DPP10: variants seen among roughly 807,000 people sequenced by gnomAD.
DPP10 encodes inactive dipeptidyl peptidase 10.
In DPP10, 33 loss-of-function variants were observed where a neutral mutation model predicts 120.9. The ratio of observed to expected loss-of-function variants is 0.27; its 90% CI spans 0.21 to 0.37. The LOEUF (loss-of-function observed/expected upper bound fraction) is 0.37, where lower values mean the gene tolerates loss of function less well. Ranked by LOEUF, DPP10 falls within the 10% of genes least tolerant of loss-of-function variation. The pLI, the probability that DPP10 is intolerant of heterozygous loss-of-function variation, is 1.00. For synonymous variants in DPP10, 337 were observed against 326.1 expected (o/e 1.03, Z -0.36); for missense variants, 816 against 942.8 (o/e 0.87, Z 1.76).
At chr2:114,477,859 A>ATGTATGTATGTACACATATG (rs1558794646) in intron 1 of DPP10, among the ~76,000 whole-genome samples, 1 of 74,586 alleles carries the variant, frequency 1.3e-5, no homozygotes, top group African/African-American at 3.2e-5. Flanking sequence ...GTATAAATAT[A>ATGTATGTATGTACACATATG]TGTATATATG....
intron 1 of DPP10, among the ~76,000 whole-genome samples, chr2:114,486,743 T>G (rs1681554049): frequency 6.6e-6 from 1 of 152,126 alleles, no homozygotes; most frequent in Non-Finnish European, 1.5e-5. Flanking sequence ...AATGCATGCA[T>G]ATGGATTTAT....
intron 1 of DPP10, among the ~76,000 whole-genome samples, chr2:115,168,291 A>G (rs367785967): frequency 1.3e-5 from 2 of 152,242 alleles, no homozygotes; most frequent in East Asian, 1.9e-4. Flanking sequence ...TTCATGTATG[A>G]CTAACATTAG....
At chr2:115,433,133 T>C (rs1158831539) in intron 3 of DPP10, among the ~76,000 whole-genome samples, 2 of 152,160 alleles carry the variant, frequency 1.3e-5, no homozygotes, top group Admixed American at 1.3e-4. Context: ...AGCTAGAGAA[T>C]TCAGTCTGTG....
chr2:114,570,253 A>G (rs928816370), intron 1 of DPP10, among the ~76,000 whole-genome samples: 3 of 152,204 alleles, frequency 2.0e-5, no homozygotes, highest in Non-Finnish European at 2.9e-5. Context: ...TCATTTTGTT[A>G]TCATATTCTG....
intron 3 of DPP10, among the ~76,000 whole-genome samples, chr2:115,371,933 G>A (rs1381173528): frequency 6.6e-6 from 1 of 152,006 alleles, no homozygotes; most frequent in Non-Finnish European, 1.5e-5. Flanking sequence ...TTTTTCAGGA[G>A]GTTCCAGAAT....
intron 4 of DPP10, among the ~76,000 whole-genome samples, chr2:115,514,052 C>T (rs1211214435): frequency 6.6e-6 from 1 of 151,872 alleles, no homozygotes; most frequent in Non-Finnish European, 1.5e-5. Flanking sequence ...TGTTGACAAG[C>T]TTTTTCTTTT....
chr2:115,802,042 G>C (rs561449228), intron 19 of DPP10, among the ~76,000 whole-genome samples: 1 of 152,080 alleles, frequency 6.6e-6, no homozygotes, highest in Non-Finnish European at 1.5e-5. Context: ...GGTAGAATTC[G>C]GCTGTGAATC....
intron 1 of DPP10, among the ~76,000 whole-genome samples, chr2:115,193,702 A>G (rs1204585779): frequency 6.6e-6 from 1 of 152,210 alleles, no homozygotes; most frequent in Non-Finnish European, 1.5e-5. Context: ...AGTACTTTAA[A>G]TCTTGGCTGA....
chr2:115,633,724 T>G (rs1339402336), intron 5 of DPP10, among the ~76,000 whole-genome samples: 1 of 152,160 alleles, frequency 6.6e-6, no homozygotes, highest in Admixed American at 6.5e-5. Flanking sequence ...ATTTTTTCCT[T>G]CATTTCAACC....
chr2:115,654,844 A>G (rs1378813433), intron 5 of DPP10, among the ~76,000 whole-genome samples: 1 of 151,734 alleles, frequency 6.6e-6, no homozygotes, highest in Non-Finnish European at 1.5e-5. Context: ...CATGTAACAG[A>G]TGAAGTAGCT....
intron 1 of DPP10, among the ~76,000 whole-genome samples, chr2:115,200,996 A>G (rs1393115556): frequency 6.6e-6 from 1 of 152,196 alleles, no homozygotes; most frequent in Admixed American, 6.5e-5. Context: ...AGAGACTTCC[A>G]TGTTCCTCAA....
chr2:115,112,806 T>C (rs751789024), intron 1 of DPP10, among the ~76,000 whole-genome samples: 21 of 152,190 alleles, frequency 1.4e-4, no homozygotes, highest in Non-Finnish European at 2.5e-4. Flanking sequence ...TAGTTAATAA[T>C]TCTCTTTTAT....
At position 115,137,106 on chromosome 2, in the gene DPP10, G is replaced by A. The variant is rs372840777; in HGVS notation, c.61-172133G>A. 5.9e-5 allele frequency among the ~76,000 whole-genome samples: 9 copies of A among 152,228 alleles called. No homozygotes were observed. In the East Asian group the frequency reaches 1.7e-3, roughly 29 times the overall value. On this transcript the variant is annotated intron_variant, in intron 1 of 25. Coordinates refer to ENST00000410059, the MANE Select transcript of DPP10 (RefSeq NM_020868.6). ...GGGTGTGTGTGGGAGGGAGAGAGGAGTTGGTGGGAAGAGGAGGTCATCTGT... is the reference window on the plus strand; with the variant it reads ...GGGTGTGTGTGGGAGGGAGAGAGGAATTGGTGGGAAGAGGAGGTCATCTGT...
chr2:114,837,411 G>A (rs976914392), intron 1 of DPP10, among the ~76,000 whole-genome samples: 1 of 152,140 alleles, frequency 6.6e-6, no homozygotes, highest in Admixed American at 6.6e-5. Flanking sequence ...TCCTTCTTGA[G>A]GGCAGGCTCT....
intron 1 of DPP10, among the ~76,000 whole-genome samples, chr2:114,760,319 G>A (rs1050751500): frequency 6.6e-6 from 1 of 152,096 alleles, no homozygotes; most frequent in African/African-American, 2.4e-5. Context: ...CCTTTGGCGT[G>A]CATCCCCCAG....
At chr2:115,212,518 C>T (rs1336108488) in intron 1 of DPP10, among the ~76,000 whole-genome samples, 1 of 152,054 alleles carries the variant, frequency 6.6e-6, no homozygotes, top group Non-Finnish European at 1.5e-5. Context: ...CAGAGAGTTA[C>T]TCTTTTAGCG....
chr2:115,289,503 AAGGAAGAAAAGAAAAG>A (rs2060562429), intron 1 of DPP10, among the ~76,000 whole-genome samples: 1 of 96,268 alleles, frequency 1.0e-5, no homozygotes, highest in African/African-American at 4.2e-5. Context: ...AAAAAAAAAA[AAGGAAGAAAAGAAAAG>A]AAAAAAGAGC....
chr2:114,964,539 A>G (rs762806100), intron 1 of DPP10, among the ~76,000 whole-genome samples: 1 of 152,108 alleles, frequency 6.6e-6, no homozygotes, highest in African/African-American at 2.4e-5. Context: ...ACTAGGAGAC[A>G]TGAAAGAATG....
intron 1 of DPP10, among the ~76,000 whole-genome samples, chr2:114,932,758 T>A (rs995157073): frequency 2.6e-5 from 4 of 152,220 alleles, no homozygotes; most frequent in African/African-American, 9.6e-5. Flanking sequence ...GATGTATACA[T>A]TTATACATGT....
Sources: gnomAD v4.1 joint callset for allele counts (sites outside exome capture counted in the v4.1 genomes callset) on GRCh38, gnomAD v4.1.1 for gene constraint, MANE v1.5 for transcripts, NCBI Gene and HGNC (gene_info 2026-07-23, HGNC 2026-07-21) for gene names.